SCN7A: variants seen among roughly 807,000 people sequenced by gnomAD.
SCN7A encodes sodium voltage-gated channel alpha subunit 7.
SCN7A carries 138 observed loss-of-function variants against 155.2 expected under a neutral mutation model. The observed-to-expected ratio is 0.89, with a 90% CI of 0.77 to 1.02. SCN7A has a LOEUF of 1.02. Among genes scored for constraint, SCN7A ranks in the 50% least tolerant of loss-of-function variants. The pLI is 0.00. For synonymous variants in SCN7A, 693 were observed against 649.0 expected (o/e 1.07, Z -1.03); for missense variants, 2,058 against 1,986.6 (o/e 1.04, Z -0.68).
At chr2:166,414,462 G>GATATATATATATAT (rs373659814) in intron 21 of SCN7A, 13 of 118,160 alleles carry the variant, frequency 1.1e-4, no homozygotes, top group African/African-American at 4.3e-4. Context: ...GAACTAATAG[G>GATATATATATATAT]ATATATATAT....
Position 166,444,802 on chromosome 2 carries a change from A to G in SCN7A, c.1586T>C (p.Met529Thr), listed in dbSNP as rs751953808. Residue 529 changes from methionine to threonine, a missense_variant, in exon 13 of 26, where the codon ATG becomes ACG. Met to Thr is a moderately conservative substitution (Grantham distance 81). Transcript: ENST00000643258. ...GAGAAGAGTGTTAGTTTGTTTACTCATTGGATAATGCTCCAAGGTCAGAAA... is the reference window on the plus strand; with the variant it reads ...GAGAAGAGTGTTAGTTTGTTTACTCGTTGGATAATGCTCCAAGGTCAGAAA... ...VCFLTLEHYPMSKQTNTLLNI... is the reference protein window; with the variant it reads ...VCFLTLEHYPTSKQTNTLLNI... 2.5e-6 allele frequency: 4 copies of G among 1,603,686 alleles called. No individual in the cohort carries two copies. The Admixed American group carries it at 6.8e-5, about 27-fold the overall frequency.
chr2:166,429,355 A>G, intron 16 of SCN7A, 81 bp from the exon 17 acceptor site: 2 of 840,374 alleles, frequency 2.4e-6, no homozygotes, highest in Non-Finnish European at 3.7e-6. Flanking sequence ...TCATTTTCAG[A>G]AGTAAGAAAA....
chr2:166,413,374 T>C (rs1701244276), intron 21 of SCN7A, among the ~76,000 whole-genome samples: 1 of 152,090 alleles, frequency 6.6e-6, no homozygotes, highest in Non-Finnish European at 1.5e-5. Flanking sequence ...GAAACAGATA[T>C]ATAAATGGTA....
chr2:166,468,766 T>C (rs1702591025), intron 7 of SCN7A, among the ~76,000 whole-genome samples: 1 of 151,848 alleles, frequency 6.6e-6, no homozygotes, highest in African/African-American at 2.4e-5. Context: ...ATTTGTTGAC[T>C]ACACATACAA....
In SCN7A at chr2:166,441,474, CA is replaced by C; in HGVS notation, c.2078del (p.Leu693CysfsTer18). 6.2e-7 allele frequency: 1 copy of C among 1,614,008 alleles called. No homozygotes were observed. The highest frequency in any genetic ancestry group is 1.7e-4 in the Middle Eastern group (1 of 6,060). ...RILCGEWVET[L>X]WDCMEVAGQS... Reference sequence around the variant, plus strand: ...GGCCTGCAACCTCCATACAGTCCCACAAGGTCTCTACCCACTCTCCACAGAG... The same window carrying C: ...GGCCTGCAACCTCCATACAGTCCCACAGGTCTCTACCCACTCTCCACAGAG... On this transcript the variant is annotated frameshift_variant, in exon 15 of 26. Coordinates refer to ENST00000643258, the MANE Select transcript of SCN7A (RefSeq NM_002976.4). LOFTEE classifies it high-confidence loss of function.
chr2:166,449,795 A>C (rs1337161880), intron 11 of SCN7A, among the ~76,000 whole-genome samples: 2 of 152,108 alleles, frequency 1.3e-5, no homozygotes, highest in Non-Finnish European at 2.9e-5. Flanking sequence ...ACCAAAAAAA[A>C]CAAAAACAAA....
intron 15 of SCN7A, among the ~76,000 whole-genome samples, chr2:166,437,334 A>G (rs563289725): frequency 1.3e-5 from 2 of 152,332 alleles, no homozygotes; most frequent in South Asian, 4.1e-4. Flanking sequence ...GGTGCAAAGA[A>G]GTCAAGAACT....
At chr2:166,450,376 G>A (rs146419927) in intron 11 of SCN7A, among the ~76,000 whole-genome samples, 1 of 151,966 alleles carries the variant, frequency 6.6e-6, no homozygotes, top group Admixed American at 6.6e-5. Flanking sequence ...CTCACTACCT[G>A]GGTGATAGGA....
chr2:166,429,825 G>C (rs1455896599), intron 16 of SCN7A, among the ~76,000 whole-genome samples: 1 of 151,890 alleles, frequency 6.6e-6, no homozygotes, highest in Non-Finnish European at 1.5e-5. Flanking sequence ...CTGGGAAAGG[G>C]GCACAGCCTT....
chr2:166,482,667 T>C (rs2105525977), intron 2 of SCN7A, among the ~76,000 whole-genome samples: 1 of 152,020 alleles, frequency 6.6e-6, no homozygotes, highest in African/African-American at 2.4e-5. Flanking sequence ...AAGATTATTT[T>C]AGTGATAATT....
chr2:166,483,777 A>C (rs1378201195), intron 2 of SCN7A, among the ~76,000 whole-genome samples: 1 of 151,946 alleles, frequency 6.6e-6, no homozygotes, highest in African/African-American at 2.4e-5. Context: ...ACTGTTTATA[A>C]ATAAAAACGT....
Position 166,475,556 on chromosome 2 carries a change from C to T in SCN7A, c.235-1212G>A, listed in dbSNP as rs567589690. Among the ~76,000 whole-genome samples the T allele has an allele frequency of 1.4e-3, 209 of 151,754 alleles. 2 individuals are homozygous for T. The highest frequency in any genetic ancestry group is 8.3e-3 in the South Asian group (40 of 4,818). On this transcript the variant is annotated intron_variant, in intron 3 of 25. Coordinates refer to ENST00000643258, the MANE Select transcript of SCN7A (RefSeq NM_002976.4). ...CTTTGACCTACACTATAGCTATTTT[C>T]CCTCTATTTTAAATGCAAACAGAAA...
chr2:166,415,436 G>T (rs1361265945), intron 21 of SCN7A, among the ~76,000 whole-genome samples: 1 of 151,854 alleles, frequency 6.6e-6, no homozygotes, highest in Non-Finnish European at 1.5e-5. Flanking sequence ...TGTTGGCTAG[G>T]ACGGTCTTGA....
At chr2:166,476,523 TTCTC>T (rs1702801060) in intron 3 of SCN7A, among the ~76,000 whole-genome samples, 1 of 152,026 alleles carries the variant, frequency 6.6e-6, no homozygotes, top group Non-Finnish European at 1.5e-5. Flanking sequence ...CTCAGCTTTG[TTCTC>T]TCTGTCTCCT....
At chr2:166,446,807 G>A (rs934118942) in intron 12 of SCN7A, among the ~76,000 whole-genome samples, 1 of 152,078 alleles carries the variant, frequency 6.6e-6, no homozygotes, top group African/African-American at 2.4e-5. Flanking sequence ...CTCATGGGTG[G>A]GAGTTAGTTG....
rs1193639208 is a variant in SCN7A, at chr2:166,443,613, ACC to A, written c.1688_1689del (p.Gly563ValfsTer10). On this transcript the variant is annotated frameshift_variant, in exon 14 of 26. Coordinates refer to ENST00000643258, the MANE Select transcript of SCN7A (RefSeq NM_002976.4). LOFTEE classifies it high-confidence loss of function. ...IFKIIAMHPY[G>X]YFQVGWNIFD... is the part of the protein sequence containing the mutation. ...AAAATGTTCCAACCTACTTGGAAATACCCATATGGATGCATTGCAATTATTTT... is the reference window on the plus strand; with the variant it reads ...AAAATGTTCCAACCTACTTGGAAATACATATGGATGCATTGCAATTATTTT... The A allele has an allele frequency of 1.3e-6, 2 of 1,574,552 alleles. No individual in the cohort carries two copies. Among genetic ancestry groups the A allele is most frequent in the East Asian group, 2.3e-5 (1 of 43,484 alleles).
chr2:166,470,559 A>G (rs1702630330), intron 7 of SCN7A, 56 bp downstream of exon 7: 4 of 1,444,496 alleles, frequency 2.8e-6, no homozygotes, highest in South Asian at 1.2e-5. Context: ...GTTCAAGTGA[A>G]TACATGGCAG....
At chr2:166,461,570 G>A (rs1702410219) in intron 10 of SCN7A, among the ~76,000 whole-genome samples, 1 of 152,046 alleles carries the variant, frequency 6.6e-6, no homozygotes, top group African/African-American at 2.4e-5. Flanking sequence ...AAAGAAACAG[G>A]ACACTGTATA....
At position 166,409,905 on chromosome 2, in the gene SCN7A, C is replaced by T; in HGVS notation, c.3742G>A (p.Val1248Ile). Residue 1248 changes from valine to isoleucine, a missense_variant, in exon 25 of 26, where the codon GTA becomes ATA. Transcript: ENST00000643258. ...ATGACATTAAAAGCTTGGCTTGTTA[C>T]CACATCAAAGATGAATCCTTGGAGC... is the stretch of plus-strand genomic sequence containing the variant. ...NKLQGFIFDVVTSQAFNVIVM... is the reference protein window; with the variant it reads ...NKLQGFIFDVITSQAFNVIVM... 1 of 1,569,242 alleles carries T rather than the reference C, an allele frequency of 6.4e-7. No individual in the cohort carries two copies. Among genetic ancestry groups the T allele is most frequent in the African/African-American group, 1.4e-5 (1 of 73,908 alleles).
Sources: gnomAD v4.1 joint callset for allele counts (sites outside exome capture counted in the v4.1 genomes callset) on GRCh38, gnomAD v4.1.1 for gene constraint, MANE v1.5 for transcripts, NCBI Gene and HGNC (gene_info 2026-07-23, HGNC 2026-07-21) for gene names.